CAMK2A: variants seen among roughly 807,000 people sequenced by gnomAD.
CAMK2A encodes calcium/calmodulin dependent protein kinase II alpha, also known as calcium/calmodulin-dependent protein kinase type II subunit alpha.
In CAMK2A, 7 loss-of-function variants were observed where a neutral mutation model predicts 79.2. That is an observed-to-expected ratio of 0.09 (90% CI 0.05 to 0.17). The LOEUF (loss-of-function observed/expected upper bound fraction) is 0.17. Among genes scored for constraint, CAMK2A ranks in the 10% least tolerant of loss-of-function variants. The pLI is 1.00. For synonymous variants in CAMK2A, 242 were observed against 251.7 expected (o/e 0.96, Z 0.36); for missense variants, 214 against 646.4 (o/e 0.33, Z 7.25).
intron 2 of CAMK2A, among the ~76,000 whole-genome samples, chr5:150,267,570 C>G (rs6896288): frequency 6.6e-6 from 1 of 152,184 alleles, no homozygotes; most frequent in African/African-American, 2.4e-5. Flanking sequence ...TACAATTAAC[C>G]TGCATTTTCA....
At chr5:150,243,457 G>A (rs530378875) in intron 13 of CAMK2A, among the ~76,000 whole-genome samples, 1 of 152,248 alleles carries the variant, frequency 6.6e-6, no homozygotes, top group East Asian at 1.9e-4. Flanking sequence ...ACACATAGAG[G>A]GATGGCGGGT....
rs948203213 is a variant in CAMK2A, at chr5:150,221,583, C to T, written c.*1127G>A. 1.5e-5 allele frequency: 6 copies of T among 398,586 alleles called. No homozygotes were observed. The highest frequency in any genetic ancestry group is 2.7e-5 in the Non-Finnish European group (6 of 226,066). 24.7% of individuals were successfully genotyped at this position (398,586 alleles called of 1,614,324 possible). The stretch of plus-strand genomic sequence containing the variant: ...GCCTCCCTCCTCCTCTCTGCCCTGA[C>T]TTGCTGTTCCTGAGTCAGTGCTGGC... On this transcript the variant is annotated 3_prime_UTR_variant, in exon 19 of 19. Coordinates refer to ENST00000671881, the MANE Select transcript of CAMK2A (RefSeq NM_015981.4).
chr5:150,257,476 G>T, intron 4 of CAMK2A, 87 bp downstream of exon 4: 2 of 1,171,022 alleles, frequency 1.7e-6, no homozygotes, highest in Non-Finnish European at 1.2e-6. Flanking sequence ...CCACAAGAGG[G>T]AATTCAGCCC....
At position 150,222,234 on chromosome 5, in the gene CAMK2A, G is replaced by A. The variant is rs1031847918; in HGVS notation, c.*476C>T. On this transcript the variant is annotated 3_prime_UTR_variant, in exon 19 of 19. Transcript: ENST00000671881. ...GCTCTTCTCCCCACTCCTTCAGTGC[G>A]GTTGGCTTAGGGGGAAGGGAGTGTC... 38 of 499,964 alleles carry A rather than the reference G, an allele frequency of 7.6e-5. No individual in the cohort carries two copies. The East Asian group carries it at 8.2e-4, about 11-fold the overall frequency. 31.0% of individuals were successfully genotyped at this position (499,964 alleles called of 1,614,324 possible). A position where few individuals can be genotyped will look rare whatever the true frequency, so the allele number is the denominator to read the frequency against.
chr5:150,229,265 A>C (rs917626823), intron 16 of CAMK2A, among the ~76,000 whole-genome samples: 1 of 152,126 alleles, frequency 6.6e-6, no homozygotes, highest in Admixed American at 6.5e-5. Flanking sequence ...ATGACCCCAA[A>C]TTCTCCAGAT....
chr5:150,279,881 C>A (rs1757139027), intron 1 of CAMK2A, among the ~76,000 whole-genome samples: 1 of 152,222 alleles, frequency 6.6e-6, no homozygotes, highest in Non-Finnish European at 1.5e-5. Context: ...AGCTGCCTGG[C>A]AGACAAGGTG....
intron 2 of CAMK2A, among the ~76,000 whole-genome samples, chr5:150,266,658 CCAGA>C (rs1392439277): frequency 6.6e-6 from 1 of 152,112 alleles, no homozygotes; most frequent in Non-Finnish European, 1.5e-5. Context: ...TGATTTTTAC[CCAGA>C]CAGTTAGACT....
intron 12 of CAMK2A, among the ~76,000 whole-genome samples, chr5:150,247,418 G>A (rs1033477060): frequency 6.6e-6 from 1 of 152,202 alleles, no homozygotes; most frequent in Non-Finnish European, 1.5e-5. Context: ...AATCATGGTG[G>A]GCAATATTGT....
At chr5:150,239,533 G>T (rs1317934807) in intron 14 of CAMK2A, among the ~76,000 whole-genome samples, 171 bp downstream of exon 14, 2 of 152,014 alleles carry the variant, frequency 1.3e-5, no homozygotes, top group Non-Finnish European at 2.9e-5. Flanking sequence ...ACAGAAACAC[G>T]CAAACAACAC....
chr5:150,238,630 G>A, intron 15 of CAMK2A, 70 bp downstream of exon 15: 3 of 1,444,398 alleles, frequency 2.1e-6, no homozygotes, highest in South Asian at 1.2e-5. Context: ...GGAGCTGTCA[G>A]GAAAAAGAGG....
intron 3 of CAMK2A, among the ~76,000 whole-genome samples, chr5:150,259,917 C>T (rs1032018388): frequency 2.6e-5 from 4 of 151,884 alleles, no homozygotes; most frequent in South Asian, 4.2e-4. Flanking sequence ...TGCAATAAGC[C>T]GAGATCATGC....
chr5:150,233,953 C>T (rs1175658362), intron 15 of CAMK2A, among the ~76,000 whole-genome samples: 1 of 152,170 alleles, frequency 6.6e-6, no homozygotes, highest in African/African-American at 2.4e-5. Context: ...GCTGGGATTA[C>T]AGGCATGCAC....
intron 12 of CAMK2A, among the ~76,000 whole-genome samples, chr5:150,246,419 G>A (rs1040336106): frequency 3.4e-4 from 51 of 152,204 alleles, no homozygotes; most frequent in Non-Finnish European, 5.3e-4. Context: ...TCACAGGATC[G>A]TGGGTCCAGT....
rs975711725 is a variant in CAMK2A at position 150,265,362 on chromosome 5, C to T, written c.158-347G>A. On this transcript the variant is annotated intron_variant, in intron 2 of 18. Coordinates refer to ENST00000671881, the MANE Select transcript of CAMK2A (RefSeq NM_015981.4). ...CGACTTCACCTCTACAAGCAGATCC[C>T]GCTGGGCCCTCTCACTTCAGGAGAG... 5 of 240,470 alleles carry T rather than the reference C, an allele frequency of 2.1e-5. No individual in the cohort carries two copies. The East Asian group carries it at 3.4e-4, about 16-fold the overall frequency. The allele number at this position is 240,470 out of a possible 1,614,324, so 14.9% of individuals were successfully genotyped here.
At chr5:150,235,461 A>G (rs1028427559) in intron 15 of CAMK2A, among the ~76,000 whole-genome samples, 1 of 152,272 alleles carries the variant, frequency 6.6e-6, no homozygotes, top group Non-Finnish European at 1.5e-5. Flanking sequence ...CAAACCCCAG[A>G]GAGGTTAAGA....
Position 150,245,153 on chromosome 5 carries a change from G to A in CAMK2A, c.984+8C>T. 6.2e-7 allele frequency: 1 copy of A among 1,613,538 alleles called. No individual in the cohort carries two copies. The highest frequency in any genetic ancestry group is 2.2e-5 in the East Asian group (1 of 44,808). Reference sequence around the variant, plus strand: ...GCCAAGCCCTGCCAGGCTCCTGGAGGGGCTTACCTTCACACCATCGCTCTT... The same window carrying A: ...GCCAAGCCCTGCCAGGCTCCTGGAGAGGCTTACCTTCACACCATCGCTCTT... On this transcript the variant is annotated splice_region_variant and intron_variant, in intron 13 of 18. Coordinates refer to ENST00000671881, the MANE Select transcript of CAMK2A (RefSeq NM_015981.4).
intron 11 of CAMK2A, among the ~76,000 whole-genome samples, 197 bp downstream of exon 11, chr5:150,250,029 T>C (rs190141482): frequency 1.3e-5 from 2 of 152,278 alleles, no homozygotes; most frequent in Admixed American, 6.5e-5. Flanking sequence ...TTGTCTGTCC[T>C]CTCCACTAGA....
intron 11 of CAMK2A, among the ~76,000 whole-genome samples, chr5:150,248,164 C>A (rs1182584953): frequency 1.3e-5 from 2 of 152,126 alleles, no homozygotes; most frequent in African/African-American, 4.8e-5. Flanking sequence ...CTTGCTTGGG[C>A]AACAACAGCA....
chr5:150,264,880 C>A (rs774974875), intron 3 of CAMK2A, 76 bp downstream of exon 3: 2 of 1,177,062 alleles, frequency 1.7e-6, no homozygotes, highest in East Asian at 4.7e-5. Flanking sequence ...ACCCAACCCG[C>A]AAACACCCAC....
Sources: allele counts gnomAD v4.1 joint callset (sites outside exome capture counted in the v4.1 genomes callset), GRCh38; gene constraint gnomAD v4.1.1; transcripts MANE v1.5; gene names NCBI Gene and HGNC (gene_info 2026-07-23, HGNC 2026-07-21).